CTNND2: variants seen among roughly 807,000 people sequenced by gnomAD.
CTNND2 encodes catenin delta-2.
Under a neutral mutation model 144.4 loss-of-function variants are expected in CTNND2, and 22 were observed. The ratio of observed to expected loss-of-function variants is 0.15; its 90% CI spans 0.11 to 0.22. The LOEUF is 0.22. Ranked by LOEUF, CTNND2 falls within the 10% of genes least tolerant of loss-of-function variation. The pLI, the probability that CTNND2 is intolerant of heterozygous loss-of-function variation, is 1.00. For missense variants in CTNND2, 1,353 were observed against 1,618.8 expected, an observed-to-expected ratio of 0.84 and a Z score of 2.82; for synonymous variants, 751 against 695.6, an observed-to-expected ratio of 1.08 and a Z score of -1.25.
At chr5:11,727,414 G>A (rs537063089) in intron 2 of CTNND2, among the ~76,000 whole-genome samples, 77 of 152,148 alleles carry the variant, frequency 5.1e-4, no homozygotes, top group African/African-American at 1.8e-3. Context: ...CCAGTTCCAC[G>A]GACTCCTAGC....
At position 11,878,607 on chromosome 5, in the gene CTNND2, C is replaced by T. The variant is rs139394239; in HGVS notation, c.37+25210G>A. Among the ~76,000 whole-genome samples, 294 of 152,288 alleles carry T rather than the reference C, an allele frequency of 1.9e-3. 1 individual carries two copies. Among genetic ancestry groups the T allele is most frequent in the African/African-American group, 6.8e-3 (283 of 41,560 alleles). On this transcript the variant is annotated intron_variant, in intron 1 of 21. Coordinates refer to ENST00000304623, the MANE Select transcript of CTNND2 (RefSeq NM_001332.4). ...TGGGAAAGTGACTAGATGTTATTTC[C>T]GGAATCCTGAGCTGAAGTTTGCAGT... is the stretch of plus-strand genomic sequence containing the variant.
chr5:11,859,086 T>C (rs781693384), intron 1 of CTNND2, among the ~76,000 whole-genome samples: 30 of 152,236 alleles, frequency 2.0e-4, no homozygotes, highest in Non-Finnish European at 4.3e-4. Context: ...ACAAGGCTAA[T>C]GGCTGGAATC....
At chr5:11,443,253 C>CTGTGTATGGTG (rs1764462990) in intron 3 of CTNND2, among the ~76,000 whole-genome samples, 1 of 65,578 alleles carries the variant, frequency 1.5e-5, no homozygotes, top group African/African-American at 6.1e-5. Flanking sequence ...TGTGTGTGTG[C>CTGTGTATGGTG]TGTGTGTGGT....
At position 11,345,155 on chromosome 5, in the gene CTNND2, G is replaced by C. The variant is rs976912811; in HGVS notation, c.1628+1217C>G. 1.6e-4 allele frequency among the ~76,000 whole-genome samples: 25 copies of C among 152,166 alleles called. 1 individual carries two copies. Among genetic ancestry groups the C allele is most frequent in the Non-Finnish European group, 8.8e-5 (6 of 68,020 alleles). On this transcript the variant is annotated intron_variant, in intron 9 of 21. Transcript: ENST00000304623. The stretch of plus-strand genomic sequence containing the variant: ...TAGGGAATATGTTGAGGTATTTTCT[G>C]ATGAATACGCTTGCCATACATGCCA...
At chr5:11,272,591 G>A (rs903149331) in intron 9 of CTNND2, among the ~76,000 whole-genome samples, 1 of 151,942 alleles carries the variant, frequency 6.6e-6, no homozygotes, top group Non-Finnish European at 1.5e-5. Context: ...TGGTGAAAAC[G>A]CTCTGAACTG....
intron 1 of CTNND2, among the ~76,000 whole-genome samples, chr5:11,822,142 A>C (rs1793346743): frequency 6.6e-6 from 1 of 152,170 alleles, no homozygotes; most frequent in Non-Finnish European, 1.5e-5. Context: ...TCTTCATTTG[A>C]AAAAGAAGAA....
intron 1 of CTNND2, among the ~76,000 whole-genome samples, chr5:11,846,610 C>T (rs1217335278): frequency 2.0e-5 from 3 of 152,046 alleles, no homozygotes; most frequent in Admixed American, 6.6e-5. Context: ...TTACATCAAA[C>T]TCAAAAGCTT....
At chr5:11,568,794 T>C (rs1262261178) in intron 2 of CTNND2, among the ~76,000 whole-genome samples, 1 of 152,194 alleles carries the variant, frequency 6.6e-6, no homozygotes, top group Non-Finnish European at 1.5e-5. Context: ...AATAAGCTGC[T>C]GAGTTTCTTG....
intron 1 of CTNND2, among the ~76,000 whole-genome samples, chr5:11,787,648 G>A (rs1790904772): frequency 6.6e-6 from 1 of 152,146 alleles, no homozygotes; most frequent in African/African-American, 2.4e-5. Context: ...GGTTATATTG[G>A]AAATCACTGA....
At chr5:11,134,508 G>A (rs112353057) in intron 12 of CTNND2, among the ~76,000 whole-genome samples, 7 of 152,294 alleles carry the variant, frequency 4.6e-5, no homozygotes, top group African/African-American at 1.2e-4. Context: ...GGTAGCAATG[G>A]AAAACTACTA....
chr5:11,898,088 A>G (rs1170689751), intron 1 of CTNND2, among the ~76,000 whole-genome samples: 1 of 152,194 alleles, frequency 6.6e-6, no homozygotes, highest in African/African-American at 2.4e-5. Context: ...GAGGGAAAGA[A>G]GGCAGAGGAC....
intron 12 of CTNND2, among the ~76,000 whole-genome samples, chr5:11,138,260 G>A (rs1756354368): frequency 6.6e-6 from 1 of 152,174 alleles, no homozygotes; most frequent in Non-Finnish European, 1.5e-5. Context: ...AAGGGCTCAT[G>A]TGATTAGACT....
chr5:11,491,026 G>A (rs1447496199), intron 3 of CTNND2, among the ~76,000 whole-genome samples: 4 of 152,056 alleles, frequency 2.6e-5, no homozygotes, highest in Admixed American at 1.3e-4. Flanking sequence ...ATAAAATCAC[G>A]AGACTGTTTA....
intron 18 of CTNND2, among the ~76,000 whole-genome samples, chr5:11,009,491 A>G (rs1740834541): frequency 6.6e-6 from 1 of 152,188 alleles, no homozygotes; most frequent in African/African-American, 2.4e-5. Flanking sequence ...ATATCACCCA[A>G]TCTACTGGAT....
At chr5:11,726,912 A>T (rs1013062539) in intron 2 of CTNND2, among the ~76,000 whole-genome samples, 4 of 152,320 alleles carry the variant, frequency 2.6e-5, no homozygotes, top group African/African-American at 9.6e-5. Flanking sequence ...AACTGAAACT[A>T]AGGAAAATAT....
intron 18 of CTNND2, among the ~76,000 whole-genome samples, chr5:10,996,569 C>T (rs966308199): frequency 3.4e-4 from 51 of 152,078 alleles, no homozygotes; most frequent in Non-Finnish European, 6.3e-4. Context: ...AAGAGGTTTG[C>T]GAAACGGACA....
At position 11,073,102 on chromosome 5, in the gene CTNND2, C is replaced by G. The variant is rs189091183; in HGVS notation, c.2788+9594G>C. Among the ~76,000 whole-genome samples, 23 of 152,286 alleles carry G rather than the reference C, an allele frequency of 1.5e-4. 1 individual carries two copies. The East Asian group carries it at 3.3e-3, about 22-fold the overall frequency. ...GGTTTAAAAAGAATTCATCTTTAAA[C>G]GTTTAAACTCATTTCTAATCCATTA... On this transcript the variant is annotated intron_variant, in intron 16 of 21. Coordinates refer to ENST00000304623, the MANE Select transcript of CTNND2 (RefSeq NM_001332.4).
chr5:11,110,734 C>T (rs1052673174), intron 14 of CTNND2, 124 bp downstream of exon 14: 12 of 869,178 alleles, frequency 1.4e-5, no homozygotes, highest in Admixed American at 2.5e-5. Context: ...GAAAATTGTG[C>T]AGATGCATTA....
chr5:11,667,393 A>G (rs1783629216), intron 2 of CTNND2, among the ~76,000 whole-genome samples: 1 of 152,208 alleles, frequency 6.6e-6, no homozygotes, highest in Non-Finnish European at 1.5e-5. Flanking sequence ...ACAGTGTAAA[A>G]GTGTTCCTAT....
Sources: gnomAD v4.1 joint callset for allele counts (sites outside exome capture counted in the v4.1 genomes callset) on GRCh38, gnomAD v4.1.1 for gene constraint, MANE v1.5 for transcripts, NCBI Gene and HGNC (gene_info 2026-07-23, HGNC 2026-07-21) for gene names.